The following PRKN variants were observed in gnomAD, a reference collection of about 807,000 sequenced individuals.
PRKN encodes E3 ubiquitin-protein ligase parkin.
Under a neutral mutation model 59.5 loss-of-function variants are expected in PRKN, and 56 were observed. The observed-to-expected ratio is 0.94, with a 90% CI of 0.76 to 1.18. PRKN has a LOEUF of 1.18. Among genes scored for constraint, PRKN ranks in the 50% most tolerant of loss-of-function variants. The probability of loss-of-function intolerance (pLI) is 0.00; values close to 1 mark genes in which losing one functional copy is unlikely to be tolerated. For synonymous variants in PRKN, 250 were observed against 222.1 expected (o/e 1.13, Z -1.12); for missense variants, 657 against 596.4 (o/e 1.10, Z -1.06).
At chr6:162,026,592 A>G (rs1376330728) in intron 5 of PRKN, among the ~76,000 whole-genome samples, 1 of 152,240 alleles carries the variant, frequency 6.6e-6, no homozygotes. Context: ...AAGCTATATT[A>G]CTTAGAAAAA....
chr6:162,561,405 T>C (rs1208093649), intron 1 of PRKN, among the ~76,000 whole-genome samples: 1 of 151,910 alleles, frequency 6.6e-6, no homozygotes, highest in Non-Finnish European at 1.5e-5. Flanking sequence ...GATGGTAGAA[T>C]AGAAAGCTCC....
chr6:162,492,274 C>T (rs1439691242), intron 1 of PRKN, among the ~76,000 whole-genome samples: 2 of 152,190 alleles, frequency 1.3e-5, no homozygotes, highest in South Asian at 2.1e-4. Flanking sequence ...TTGAAGGGTG[C>T]GCTTGCTTAT....
At chr6:162,206,734 C>T (rs1352276454) in intron 3 of PRKN, among the ~76,000 whole-genome samples, 1 of 152,116 alleles carries the variant, frequency 6.6e-6, no homozygotes, top group African/African-American at 2.4e-5. Flanking sequence ...ACAGCAGGGG[C>T]ACAGAACCTT....
intron 3 of PRKN, among the ~76,000 whole-genome samples, chr6:162,243,360 T>A (rs1291441154): frequency 2.6e-5 from 4 of 152,108 alleles, no homozygotes; most frequent in Non-Finnish European, 5.9e-5. Context: ...CAATGACAGC[T>A]CTTCAGCATG....
At chr6:162,223,612 GACACACACACACACACACAC>G (rs34881644) in intron 3 of PRKN, among the ~76,000 whole-genome samples, 7 of 129,248 alleles carry the variant, frequency 5.4e-5, no homozygotes, top group Non-Finnish European at 7.9e-5. Context: ...ATAGACACGT[GACACACACACACACACACAC>G]ACACACACAC....
intron 6 of PRKN, among the ~76,000 whole-genome samples, chr6:161,899,800 G>C (rs1455058419): frequency 1.3e-5 from 2 of 152,180 alleles, no homozygotes; most frequent in African/African-American, 2.4e-5. Flanking sequence ...GTGGGATTGA[G>C]TACAGCAGGG....
At chr6:162,194,479 A>G (rs1784415276) in intron 4 of PRKN, among the ~76,000 whole-genome samples, 1 of 152,200 alleles carries the variant, frequency 6.6e-6, no homozygotes, top group African/African-American at 2.4e-5. Flanking sequence ...ATGAGTCTCA[A>G]GAAAATGGCA....
rs1286141518 is a variant in PRKN, at chr6:161,546,805, T to G, written c.1083+2049A>C. Among the ~76,000 whole-genome samples the G allele has an allele frequency of 6.6e-6, 1 of 152,070 alleles. No individual in the cohort carries two copies. The highest frequency in any genetic ancestry group is 2.4e-5 in the African/African-American group (1 of 41,410). ...CTGTAGCTTCTCTCTGTTCTCTCTT[T>G]TGGACAACTTGCTCTGGGGAAAGCC... On this transcript the variant is annotated intron_variant, in intron 9 of 11. Coordinates refer to ENST00000366898, the MANE Select transcript of PRKN (RefSeq NM_004562.3). This position sits in a 1 kb window ranked among gnomAD's most constrained non-coding sequence, Gnocchi z 4.4.
rs1280056538 is a variant in PRKN at position 161,529,315 on chromosome 6, A to G, written c.1083+19539T>C. Reference sequence around the variant, plus strand: ...TTGTGGCTGACGGCTGTGTCCCTCCAGCTGCCTCACCTGGGGCCGCAGTAA... The same window carrying G: ...TTGTGGCTGACGGCTGTGTCCCTCCGGCTGCCTCACCTGGGGCCGCAGTAA... On this transcript the variant is annotated intron_variant, in intron 9 of 11. Coordinates refer to ENST00000366898, the MANE Select transcript of PRKN (RefSeq NM_004562.3). The surrounding 1 kb of genome is among the most constrained non-coding windows in gnomAD (Gnocchi z 4.4). 6.6e-6 allele frequency among the ~76,000 whole-genome samples: 1 copy of G among 152,136 alleles called. No individual in the cohort carries two copies. The highest frequency in any genetic ancestry group is 2.4e-5 in the African/African-American group (1 of 41,414).
chr6:161,385,137 C>A lies in PRKN; in HGVS notation c.1167+1657G>T, dbSNP rs1376413342. On this transcript the variant is annotated intron_variant, in intron 10 of 11. Transcript: ENST00000366898. The surrounding 1 kb of genome is among the most constrained non-coding windows in gnomAD (Gnocchi z 4.9). ...TAGAGACGGGGTTTCACCATGTTGGCCAGGCTGATCTCAATCTCTTGACCT... is the reference window on the plus strand; with the variant it reads ...TAGAGACGGGGTTTCACCATGTTGGACAGGCTGATCTCAATCTCTTGACCT... 1.3e-5 allele frequency among the ~76,000 whole-genome samples: 2 copies of A among 152,106 alleles called. No homozygotes were observed. The highest frequency in any genetic ancestry group is 2.9e-5 in the Non-Finnish European group (2 of 68,018).
intron 9 of PRKN, among the ~76,000 whole-genome samples, chr6:161,519,164 G>A (rs1778726474): frequency 6.6e-6 from 1 of 151,958 alleles, no homozygotes; most frequent in African/African-American, 2.4e-5. Flanking sequence ...AGTAGGGAGG[G>A]GGTCTGCCTT....
At chr6:161,383,869 A>G (rs1019868985) in intron 10 of PRKN, among the ~76,000 whole-genome samples, 10 of 152,226 alleles carry the variant, frequency 6.6e-5, no homozygotes, top group South Asian at 6.2e-4. Context: ...ACATGGCAGC[A>G]AAGACCCCAA....
chr6:162,649,226 G>A (rs1778319397), intron 1 of PRKN, among the ~76,000 whole-genome samples: 1 of 152,132 alleles, frequency 6.6e-6, no homozygotes, highest in Non-Finnish European at 1.5e-5. Context: ...TCTAGATGCA[G>A]GTAATATAAC....
Position 162,164,427 on chromosome 6 carries a change from G to T in PRKN, c.534+36704C>A, listed in dbSNP as rs938758705. Among the ~76,000 whole-genome samples the T allele has an allele frequency of 2.7e-5, 4 of 148,434 alleles. 1 individual carries two copies. Among genetic ancestry groups the T allele is most frequent in the Non-Finnish European group, 4.5e-5 (3 of 67,206 alleles). On this transcript the variant is annotated intron_variant, in intron 4 of 11. Transcript: ENST00000366898. ...GTGTTTCACCATGTTGCCCAGGTTG[G>T]TCTCGAACTGCCGACCTCAGGCAAA... is the stretch of plus-strand genomic sequence containing the variant.
At chr6:162,057,535 G>T (rs1016644772) in intron 4 of PRKN, among the ~76,000 whole-genome samples, 1 of 152,218 alleles carries the variant, frequency 6.6e-6, no homozygotes, top group African/African-American at 2.4e-5. Flanking sequence ...GAAAAGAAAT[G>T]ATACCTACGA....
intron 4 of PRKN, among the ~76,000 whole-genome samples, chr6:162,155,408 C>T (rs745306577): frequency 1.4e-4 from 22 of 152,238 alleles, no homozygotes; most frequent in Admixed American, 3.3e-4. Context: ...CTACTCTCAT[C>T]AGAGAATTTG....
chr6:162,499,670 G>A (rs946515571), intron 1 of PRKN, among the ~76,000 whole-genome samples: 12 of 152,192 alleles, frequency 7.9e-5, no homozygotes, highest in Admixed American at 6.5e-5. Flanking sequence ...CATTAGCTAA[G>A]GTGGTTGTCC....
intron 1 of PRKN, among the ~76,000 whole-genome samples, chr6:162,448,027 G>C (rs1790406184): frequency 6.6e-6 from 1 of 152,118 alleles, no homozygotes; most frequent in African/African-American, 2.4e-5. Context: ...TTTGCTGAGA[G>C]ACCCAAAGAA....
intron 8 of PRKN, among the ~76,000 whole-genome samples, chr6:161,568,835 C>T (rs545575388): frequency 1.3e-4 from 20 of 152,144 alleles, no homozygotes; most frequent in African/African-American, 4.3e-4. Context: ...AATTATGACA[C>T]GCCTCACTGA....
Sources: allele counts gnomAD v4.1 joint callset (sites outside exome capture counted in the v4.1 genomes callset), GRCh38; gene constraint gnomAD v4.1.1; non-coding constraint Gnocchi (gnomAD v3.1); transcripts MANE v1.5; gene names NCBI Gene and HGNC (gene_info 2026-07-23, HGNC 2026-07-21).